The following PPARGC1A variants were observed in gnomAD, a reference collection of about 807,000 sequenced individuals.
PPARGC1A encodes the protein PPARG coactivator 1 alpha, also known as peroxisome proliferator-activated receptor gamma coactivator 1-alpha.
Under a neutral mutation model 88.7 loss-of-function variants are expected in PPARGC1A, and 25 were observed. That is an observed-to-expected ratio of 0.28 (90% CI 0.21 to 0.39). The LOEUF (loss-of-function observed/expected upper bound fraction) is 0.39. Ranked by LOEUF, PPARGC1A falls within the 10% of genes least tolerant of loss-of-function variation. The pLI is 1.00. For missense variants in PPARGC1A, 880 were observed against 968.7 expected (o/e 0.91, Z 1.22); for synonymous variants, 363 against 355.6 (o/e 1.02, Z -0.24).
the PPARGC1A span, among the ~76,000 whole-genome samples, chr4:23,974,804 T>TTTG: frequency 8.2e-6 from 1 of 122,474 alleles, no homozygotes; most frequent in East Asian, 2.4e-4. Flanking sequence ...GGCTAATTTT[T>TTTG]TTTTTTTTTT....
At chr4:23,956,431 T>C in the PPARGC1A span, among the ~76,000 whole-genome samples, 1 of 152,060 alleles carries the variant, frequency 6.6e-6, no homozygotes, top group African/African-American at 2.4e-5. Context: ...AAGATGCAGA[T>C]TTTCCTATAT....
At chr4:24,365,300 C>T in the PPARGC1A span, among the ~76,000 whole-genome samples, 3 of 152,152 alleles carry the variant, frequency 2.0e-5, no homozygotes, top group Non-Finnish European at 4.4e-5. Flanking sequence ...TATTTTACAG[C>T]TGACTCTAAA....
At chr4:23,981,021 T>C in the PPARGC1A span, among the ~76,000 whole-genome samples, 47 of 152,116 alleles carry the variant, frequency 3.1e-4, no homozygotes, top group African/African-American at 1.1e-3. Context: ...AATATGTAAT[T>C]TCTCCCTTGT....
At chr4:23,976,299 G>A in the PPARGC1A span, among the ~76,000 whole-genome samples, 1 of 152,302 alleles carries the variant, frequency 6.6e-6, no homozygotes, top group South Asian at 2.1e-4. Flanking sequence ...ACCCTGAAGA[G>A]GAGTAGAGCT....
chr4:24,437,897 G>T, the PPARGC1A span, among the ~76,000 whole-genome samples: 10 of 151,898 alleles, frequency 6.6e-5, no homozygotes, highest in Non-Finnish European at 1.3e-4. Flanking sequence ...GGCTGGTCTC[G>T]AACTCCTGAC....
At chr4:23,894,139 A>G (rs950478109), upstream of PPARGC1A, among the ~76,000 whole-genome samples, 1 of 152,170 alleles carries the variant, frequency 6.6e-6, no homozygotes, top group Non-Finnish European at 1.5e-5. Flanking sequence ...AGGCAACTTT[A>G]TAACTGAGGG....
At chr4:24,223,205 T>C in the PPARGC1A span, among the ~76,000 whole-genome samples, 3 of 151,756 alleles carry the variant, frequency 2.0e-5, no homozygotes, top group African/African-American at 7.3e-5. Flanking sequence ...GAAATATACA[T>C]ATTATAAATT....
intron 10 of PPARGC1A, among the ~76,000 whole-genome samples, chr4:23,805,505 A>G (rs995112366): frequency 4.6e-5 from 7 of 152,310 alleles, no homozygotes; most frequent in African/African-American, 1.2e-4. Context: ...GTATGTCTCA[A>G]TTGAAGGCTG....
the PPARGC1A span, among the ~76,000 whole-genome samples, chr4:24,044,028 C>G: frequency 1.3e-4 from 20 of 152,194 alleles, no homozygotes; most frequent in African/African-American, 4.3e-4. Flanking sequence ...CCTGGAAATG[C>G]CATAAGTGTA....
chr4:23,840,034 T>A (rs1422402900), intron 2 of PPARGC1A, among the ~76,000 whole-genome samples: 1 of 151,812 alleles, frequency 6.6e-6, no homozygotes, highest in East Asian at 1.9e-4. Context: ...TGCCAACCCA[T>A]CTCAATATTT....
intron 2 of PPARGC1A, among the ~76,000 whole-genome samples, chr4:23,873,197 C>CAAAACAAAAA (rs1713852974): frequency 1.3e-5 from 1 of 74,828 alleles, no homozygotes; most frequent in Non-Finnish European, 2.6e-5. Flanking sequence ...GACTCCGTCT[C>CAAAACAAAAA]AAAAATAAAA....
At chr4:24,206,240 T>A in the PPARGC1A span, among the ~76,000 whole-genome samples, 1 of 152,200 alleles carries the variant, frequency 6.6e-6, no homozygotes, top group African/African-American at 2.4e-5. Flanking sequence ...AGGCAAATGA[T>A]GAAAGTATGA....
chr4:24,326,683 C>G, the PPARGC1A span, among the ~76,000 whole-genome samples: 1 of 152,190 alleles, frequency 6.6e-6, no homozygotes, highest in Non-Finnish European at 1.5e-5. Context: ...CCCTACTGAT[C>G]GTGTCCAGCT....
chr4:23,980,697 C>T, the PPARGC1A span, among the ~76,000 whole-genome samples: 10 of 152,062 alleles, frequency 6.6e-5, no homozygotes, highest in Non-Finnish European at 1.3e-4. Flanking sequence ...CATTTGGAGC[C>T]GGCCACAGAC....
At chr4:24,127,823 T>C in the PPARGC1A span, among the ~76,000 whole-genome samples, 6 of 151,862 alleles carry the variant, frequency 4.0e-5, no homozygotes, top group Non-Finnish European at 5.9e-5. Flanking sequence ...AGCAGTTCAA[T>C]AAAGGTACCA....
chr4:24,410,249 A>G, the PPARGC1A span, among the ~76,000 whole-genome samples: 8 of 152,340 alleles, frequency 5.3e-5, no homozygotes, highest in Non-Finnish European at 7.3e-5. Flanking sequence ...AAAACATAAC[A>G]ACATAAAAGG....
the PPARGC1A span, among the ~76,000 whole-genome samples, chr4:24,135,208 A>G: frequency 6.6e-6 from 1 of 152,158 alleles, no homozygotes; most frequent in African/African-American, 2.4e-5. Flanking sequence ...GGCACCACCA[A>G]TATTTAAATG....
the PPARGC1A span, among the ~76,000 whole-genome samples, chr4:24,412,059 A>G: frequency 6.6e-6 from 1 of 152,188 alleles, no homozygotes; most frequent in Non-Finnish European, 1.5e-5. Flanking sequence ...TCATATGTTA[A>G]GAGTATGTTT....
the PPARGC1A span, among the ~76,000 whole-genome samples, chr4:24,393,901 G>A: frequency 9.8e-5 from 15 of 152,294 alleles, no homozygotes; most frequent in South Asian, 8.3e-4. Context: ...GGAGGATGGC[G>A]TGAGGCCAGG....
Sources: gnomAD v4.1 joint callset for allele counts (sites outside exome capture counted in the v4.1 genomes callset) on GRCh38, gnomAD v4.1.1 for gene constraint, MANE v1.5 for transcripts, NCBI Gene and HGNC (gene_info 2026-07-23, HGNC 2026-07-21) for gene names.